TRIM49: variants seen among roughly 807,000 people sequenced by gnomAD.
TRIM49 encodes the protein tripartite motif-containing protein 49.
In TRIM49, 5 loss-of-function variants were observed where a neutral mutation model predicts 27.4. That is an observed-to-expected ratio of 0.18 (90% CI 0.10 to 0.38). The LOEUF is 0.38. TRIM49 is among the 10% of genes least tolerant of loss of function. The pLI, the probability that TRIM49 is intolerant of heterozygous loss-of-function variation, is 1.00. For missense variants in TRIM49, 188 were observed against 487.5 expected (o/e 0.39, Z 5.79); for synonymous variants, 69 against 166.0 (o/e 0.42, Z 4.49).
chr11:89,790,973 T>C, the TRIM49 span, among the ~76,000 whole-genome samples: 2 of 151,754 alleles, frequency 1.3e-5, no homozygotes, highest in African/African-American at 4.9e-5. Flanking sequence ...GAAGTTCGAA[T>C]CCATTGCAAA....
At chr11:89,796,497 A>T (rs1481833264), downstream of TRIM49, among the ~76,000 whole-genome samples, 2 of 137,260 alleles carry the variant, frequency 1.5e-5, no homozygotes, top group Non-Finnish European at 3.0e-5. Context: ...TGGTCTCCCC[A>T]AGTGGTGGGA....
At chr11:89,786,466 C>T in the TRIM49 span, 1 of 152,060 alleles carries the variant, frequency 6.6e-6, no homozygotes, top group South Asian at 1.8e-4. Flanking sequence ...GCCCTTCCTG[C>T]GTCAGCATCA....
chr11:89,793,545 G>T (rs1949669302), downstream of TRIM49, among the ~76,000 whole-genome samples: 1 of 152,136 alleles, frequency 6.6e-6, no homozygotes. Flanking sequence ...AAGAGCAAGT[G>T]GGCTTCATCC....
chr11:89,777,807 C>T, the TRIM49 span: 37 of 492,990 alleles, frequency 7.5e-5, 1 homozygote, highest in East Asian at 1.0e-3. Context: ...AAAATCTGAC[C>T]GCTTCACTCT....
chr11:89,797,196 A>G (rs1301982502), downstream of TRIM49, among the ~76,000 whole-genome samples: 2 of 151,150 alleles, frequency 1.3e-5, no homozygotes, highest in African/African-American at 4.9e-5. Flanking sequence ...GTCTGTTCAG[A>G]TATTTTAGCC....
Position 89,803,788 on chromosome 11 carries a change from C to A in TRIM49, c.417G>T (p.Lys139Asn). 1 of 1,354,082 alleles carries A rather than the reference C, an allele frequency of 7.4e-7. No homozygotes were observed. The highest frequency in any genetic ancestry group is 1.0e-6 in the Non-Finnish European group (1 of 1,000,148). The allele number at this position is 1,354,082 out of a possible 1,614,324, so 83.9% of individuals were successfully genotyped here. ...IEWAAEEHRE[K>N]LLQKMQSLWE... ...ACAAAGACTGCATTTTCTGTAAAAG[C>A]TTCTCCTGCAAAAGAGCCATAAATT... The change falls in exon 4 of 8, where the codon AAG becomes AAT. Residue 139 changes from lysine (K) to asparagine (N), a missense_variant. Transcript: ENST00000329758.
At chr11:89,804,003 C>A in intron 3 of TRIM49, 56 bp downstream of exon 3, 2 of 1,611,504 alleles carry the variant, frequency 1.2e-6, no homozygotes, top group South Asian at 1.1e-5. Context: ...AGAAAATAGA[C>A]CCACAGGAAT....
chr11:89,786,950 T>A, the TRIM49 span: 1 of 120,466 alleles, frequency 8.3e-6, no homozygotes, highest in Non-Finnish European at 1.6e-5. Flanking sequence ...CCATGCAGGG[T>A]CGAACCGATC....
chr11:89,766,663 G>A, the TRIM49 span: 19 of 1,466,130 alleles, frequency 1.3e-5, 4 homozygotes, highest in African/African-American at 3.9e-4. Flanking sequence ...TTCCATATGA[G>A]GGAATTCTTG....
chr11:89,782,608 C>T, the TRIM49 span, among the ~76,000 whole-genome samples: 1 of 129,236 alleles, frequency 7.7e-6, no homozygotes, highest in South Asian at 2.6e-4. Flanking sequence ...TTTTTTTGTA[C>T]AAGTTTTTTG....
chr11:89,777,341 T>A, the TRIM49 span: 1 of 1,532,364 alleles, frequency 6.5e-7, no homozygotes, highest in African/African-American at 1.4e-5. Context: ...CCAGAGCACA[T>A]GGCTCACAGC....
chr11:89,768,577 C>G, the TRIM49 span, among the ~76,000 whole-genome samples: 7 of 135,810 alleles, frequency 5.2e-5, 2 homozygotes, highest in Non-Finnish European at 1.1e-4. Flanking sequence ...CTGCATTGAA[C>G]TCTTCAAAAC....
At chr11:89,768,215 G>A in the TRIM49 span, 109 of 1,426,722 alleles carry the variant, frequency 7.6e-5, 4 homozygotes, top group African/African-American at 6.8e-4. Flanking sequence ...CCTGTCCACC[G>A]GTCCTGTGAT....
the TRIM49 span, chr11:89,768,434 T>C: frequency 3.5e-6 from 2 of 574,184 alleles, no homozygotes; most frequent in Non-Finnish European, 6.1e-6. Context: ...TAGGGAATCT[T>C]TCTAACTCTT....
chr11:89,768,842 G>T, the TRIM49 span: 5,309 of 455,940 alleles, frequency 0.012, 509 homozygotes, highest in African/African-American at 0.036. Flanking sequence ...AAATCCTGGA[G>T]AGAGAGAGAG....
chr11:89,800,170 A>C (rs931994170), intron 6 of TRIM49, among the ~76,000 whole-genome samples: 3 of 151,336 alleles, frequency 2.0e-5, no homozygotes, highest in African/African-American at 7.4e-5. Context: ...AGACTGATGC[A>C]TCCACTGCTT....
downstream of TRIM49, among the ~76,000 whole-genome samples, chr11:89,793,145 A>G (rs1427737782): frequency 1.1e-4 from 17 of 152,334 alleles, no homozygotes; most frequent in African/African-American, 3.8e-4. Flanking sequence ...GAAAATCTAG[A>G]AGAAATGGAC....
rs1565447281 is a variant in TRIM49 at position 89,804,281 on chromosome 11, G to T, written c.189C>A (p.Asn63Lys). 5 of 1,612,128 alleles carry T rather than the reference G, an allele frequency of 3.1e-6. No individual in the cohort carries two copies. The highest frequency in any genetic ancestry group is 3.4e-6 in the Non-Finnish European group (4 of 1,179,198). The change falls in exon 3 of 8, where the codon AAC becomes AAA. Residue 63 changes from asparagine to lysine, a missense_variant. By Grantham distance (94) the Asn-to-Lys change is moderately conservative. Around this residue, in one of 6 missense-constraint regions of TRIM49, gnomAD observed 37 missense variants for 52.4 expected, o/e 0.71. Coordinates refer to ENST00000329758, the MANE Select transcript of TRIM49 (RefSeq NM_020358.2). ...SECTKSTEQI[N>K]LKTNIHLKKM... ...TCTTCAAATGAATGTTGGTTTTGAG[G>T]TTTATCTGCTCGGTTGACTTTGTGC...
At chr11:89,805,994 C>A (rs567449) in intron 2 of TRIM49, among the ~76,000 whole-genome samples, 52 of 150,718 alleles carry the variant, frequency 3.5e-4, no homozygotes, top group South Asian at 2.1e-3. Context: ...TGCTGGGATT[C>A]TAGGCACGCG....
Sources: gnomAD v4.1 joint callset for allele counts (sites outside exome capture counted in the v4.1 genomes callset) on GRCh38, gnomAD v4.1.1 for gene constraint, gnomAD v4.1.1 regional missense constraint, MANE v1.5 for transcripts, NCBI Gene and HGNC (gene_info 2026-07-23, HGNC 2026-07-21) for gene names.